Variants in TENM3 observed in about 807,000 individuals in gnomAD.
TENM3 encodes teneurin transmembrane protein 3, also known as teneurin-3.
In TENM3, 63 loss-of-function variants were observed where a neutral mutation model predicts 255.1. The ratio of observed to expected loss-of-function variants is 0.25; its 90% CI spans 0.20 to 0.30. The LOEUF is 0.30. Ranked by LOEUF, TENM3 falls within the 10% of genes least tolerant of loss-of-function variation. The probability of loss-of-function intolerance (pLI) is 1.00; values close to 1 mark genes in which losing one functional copy is unlikely to be tolerated. For missense variants in TENM3, 2,929 were observed against 3,461.1 expected (o/e 0.85, Z 3.86); for synonymous variants, 1,306 against 1,322.3 (o/e 0.99, Z 0.27).
intron 5 of TENM3, among the ~76,000 whole-genome samples, chr4:182,635,694 A>G (rs977440450): frequency 2.0e-5 from 3 of 152,332 alleles, no homozygotes; most frequent in East Asian, 1.9e-4. Flanking sequence ...TCTAAAATAC[A>G]TGTTGTCATA....
At chr4:182,161,793 G>GTATATATATACACATATATATGTGTA (rs1751289176) in intron 1 of TENM3, among the ~76,000 whole-genome samples, 2 of 39,974 alleles carry the variant, frequency 5.0e-5, no homozygotes, top group South Asian at 1.4e-3. Context: ...ACAAATATAT[G>GTATATATATACACATATATATGTGTA]TATATATATA....
chr4:182,777,509 T>TTGTG lies in TENM3; in HGVS notation c.5304+2357_5304+2358insGTGT, dbSNP rs1172500944. Among the ~76,000 whole-genome samples the TTGTG allele has an allele frequency of 7.4e-3, 883 of 120,134 alleles. 10 individuals are homozygous for TTGTG. The highest frequency in any genetic ancestry group is 0.022 in the African/African-American group (694 of 31,584). The allele number at this position is 120,134 out of a possible 152,430, so 78.8% of individuals were successfully genotyped here. A position where few individuals can be genotyped will look rare whatever the true frequency, so the allele number is the denominator to read the frequency against. On this transcript the variant is annotated intron_variant, in intron 24 of 27. Coordinates refer to ENST00000511685, the MANE Select transcript of TENM3 (RefSeq NM_001080477.4). ...TTCTCTCTGTCTATACATAATGTGTTTATGTGTGTGTGTGTGTGTGTGTGT... is the reference window on the plus strand; with the variant it reads ...TTCTCTCTGTCTATACATAATGTGTTTGTGTATGTGTGTGTGTGTGTGTGTGTGT...
the TENM3 span, among the ~76,000 whole-genome samples, chr4:181,605,579 A>C: frequency 3.2e-5 from 1 of 31,000 alleles, no homozygotes. Flanking sequence ...AGAGAGAGAA[A>C]GAAAGGAAAG....
intron 6 of TENM3, among the ~76,000 whole-genome samples, chr4:182,659,636 C>G (rs1754052390): frequency 6.6e-6 from 1 of 152,148 alleles, no homozygotes; most frequent in African/African-American, 2.4e-5. Flanking sequence ...TCTCTAAGTT[C>G]CTTCAACTCT....
At chr4:181,787,400 G>T in the TENM3 span, among the ~76,000 whole-genome samples, 1 of 150,462 alleles carries the variant, frequency 6.6e-6, no homozygotes, top group Non-Finnish European at 1.5e-5. Flanking sequence ...GGGCAATGGC[G>T]CCATCTCAGC....
chr4:182,041,025 A>C, the TENM3 span, among the ~76,000 whole-genome samples: 1 of 152,180 alleles, frequency 6.6e-6, no homozygotes, highest in Non-Finnish European at 1.5e-5. Context: ...CAAAAATAGG[A>C]AACTCCTGTA....
the TENM3 span, among the ~76,000 whole-genome samples, chr4:182,052,024 G>A: frequency 6.6e-6 from 1 of 152,074 alleles, no homozygotes; most frequent in Admixed American, 6.5e-5. Context: ...TGGGGAGGGG[G>A]TATTACTGGC....
the TENM3 span, among the ~76,000 whole-genome samples, chr4:181,863,498 G>A: frequency 6.6e-6 from 1 of 152,072 alleles, no homozygotes; most frequent in Non-Finnish European, 1.5e-5. Context: ...CAAATTATAG[G>A]CAAAAAGTTA....
the TENM3 span, among the ~76,000 whole-genome samples, chr4:181,972,346 G>A: frequency 6.6e-6 from 1 of 150,540 alleles, no homozygotes; most frequent in Non-Finnish European, 1.5e-5. Flanking sequence ...TCGAGCCAGA[G>A]AGGTCAAGGC....
the TENM3 span, among the ~76,000 whole-genome samples, chr4:181,795,446 C>T: frequency 6.6e-6 from 1 of 152,176 alleles, no homozygotes; most frequent in Non-Finnish European, 1.5e-5. Flanking sequence ...AAGGCCCCAC[C>T]TCCTAATACA....
chr4:181,945,359 G>A, the TENM3 span, among the ~76,000 whole-genome samples: 2 of 152,134 alleles, frequency 1.3e-5, no homozygotes, highest in Non-Finnish European at 2.9e-5. Flanking sequence ...ATAAGCAGGA[G>A]CGACTGCTGC....
the TENM3 span, among the ~76,000 whole-genome samples, chr4:181,586,851 A>AAAAC: frequency 5.2e-3 from 785 of 151,924 alleles, 3 homozygotes; most frequent in Non-Finnish European, 9.4e-3. Context: ...AAAACAAAAC[A>AAAAC]AAACAAACAA....
At chr4:181,695,635 A>G in the TENM3 span, among the ~76,000 whole-genome samples, 1 of 152,030 alleles carries the variant, frequency 6.6e-6, no homozygotes, top group African/African-American at 2.4e-5. Flanking sequence ...TTCCTTATCC[A>G]TTTTTGTGTT....
At chr4:181,558,156 T>C in the TENM3 span, among the ~76,000 whole-genome samples, 1 of 152,094 alleles carries the variant, frequency 6.6e-6, no homozygotes, top group Non-Finnish European at 1.5e-5. Flanking sequence ...TATGAGAAAA[T>C]CTATATGGAA....
At chr4:181,904,074 A>T in the TENM3 span, among the ~76,000 whole-genome samples, 1 of 152,108 alleles carries the variant, frequency 6.6e-6, no homozygotes, top group Non-Finnish European at 1.5e-5. Context: ...TTGAAAACTG[A>T]GCTCTTGATA....
intron 4 of TENM3, among the ~76,000 whole-genome samples, chr4:182,611,529 C>G (rs1247635997): frequency 1.3e-5 from 2 of 152,048 alleles, no homozygotes; most frequent in African/African-American, 2.4e-5. Flanking sequence ...CTCTGATCAT[C>G]TGGCAAGCTA....
the TENM3 span, among the ~76,000 whole-genome samples, chr4:181,906,829 G>A: frequency 6.6e-6 from 1 of 152,144 alleles, no homozygotes; most frequent in African/African-American, 2.4e-5. Context: ...CTACAGGCAT[G>A]GGCCACCACT....
chr4:182,292,075 CAT>C (rs1218190851), intron 1 of TENM3, among the ~76,000 whole-genome samples: 1 of 152,094 alleles, frequency 6.6e-6, no homozygotes, highest in Non-Finnish European at 1.5e-5. Context: ...CTGTTTTTGC[CAT>C]ATGAGTGCCT....
chr4:182,441,818 A>G (rs1456849583), intron 3 of TENM3, among the ~76,000 whole-genome samples: 3 of 151,978 alleles, frequency 2.0e-5, no homozygotes, highest in East Asian at 1.9e-4. Context: ...GAGCCACTGT[A>G]CCTGGCCCAA....
Sources: allele counts gnomAD v4.1 joint callset (sites outside exome capture counted in the v4.1 genomes callset), GRCh38; gene constraint gnomAD v4.1.1; transcripts MANE v1.5; gene names NCBI Gene and HGNC (gene_info 2026-07-23, HGNC 2026-07-21).